Variants in RPSA2 observed in about 807,000 individuals in gnomAD.
RPSA2 encodes small ribosomal subunit protein uS2B.
the RPSA2 span, among the ~76,000 whole-genome samples, chr19:23,834,566 GAA>G: frequency 6.6e-6 from 1 of 151,972 alleles, no homozygotes; most frequent in African/African-American, 2.4e-5. Context: ...TATTATGAAA[GAA>G]AAATATTCTT....
At chr19:23,860,820 A>T in the RPSA2 span, among the ~76,000 whole-genome samples, 412 of 152,302 alleles carry the variant, frequency 2.7e-3, no homozygotes, top group African/African-American at 9.6e-3. Flanking sequence ...ACTAGTTTCA[A>T]AATAGTCCTT....
chr19:23,860,131 C>A, the RPSA2 span, among the ~76,000 whole-genome samples: 8 of 152,172 alleles, frequency 5.3e-5, no homozygotes, highest in African/African-American at 1.9e-4. Flanking sequence ...AAACACAGAG[C>A]TGCTCATATT....
At chr19:23,807,327 G>C in the RPSA2 span, among the ~76,000 whole-genome samples, 1 of 152,058 alleles carries the variant, frequency 6.6e-6, no homozygotes, top group African/African-American at 2.4e-5. Flanking sequence ...TGGCATTACT[G>C]GTAAACTTGG....
the RPSA2 span, among the ~76,000 whole-genome samples, chr19:23,802,698 T>C: frequency 6.6e-6 from 1 of 152,094 alleles, no homozygotes; most frequent in Non-Finnish European, 1.5e-5. Flanking sequence ...CTCAAACAGA[T>C]AAATTGATTC....
chr19:23,818,322 G>C, the RPSA2 span: 149,020 of 152,354 alleles, frequency 0.98, 72,973 homozygotes, highest in Middle Eastern at 1. Context: ...TTTAAATTCT[G>C]CAAGGGATGA....
At chr19:23,867,236 A>G in the RPSA2 span, among the ~76,000 whole-genome samples, 5 of 152,304 alleles carry the variant, frequency 3.3e-5, no homozygotes, top group African/African-American at 4.8e-5. Flanking sequence ...GGCCCCTCAG[A>G]CTAATCTCCA....
chr19:23,760,372 A>G, the RPSA2 span, among the ~76,000 whole-genome samples: 3 of 152,238 alleles, frequency 2.0e-5, no homozygotes, highest in Admixed American at 2.0e-4. Context: ...AGGCTTTATT[A>G]GAAGGAAGAG....
chr19:23,836,291 C>T, the RPSA2 span, among the ~76,000 whole-genome samples: 1 of 152,088 alleles, frequency 6.6e-6, no homozygotes, highest in Non-Finnish European at 1.5e-5. Flanking sequence ...ATAATAGTCT[C>T]CAGTCTCATC....
the RPSA2 span, among the ~76,000 whole-genome samples, chr19:23,871,137 C>T: frequency 1.0e-3 from 158 of 152,274 alleles, no homozygotes; most frequent in African/African-American, 3.5e-3. Context: ...AAGCAAGGAG[C>T]CCCCTGACCC....
the RPSA2 span, among the ~76,000 whole-genome samples, chr19:23,804,423 A>AG: frequency 6.6e-6 from 1 of 150,426 alleles, no homozygotes. Flanking sequence ...CAGCCTCCTG[A>AG]GTAGCTGGGA....
chr19:23,759,521 G>GTTTTTT, the RPSA2 span, among the ~76,000 whole-genome samples: 1 of 14,232 alleles, frequency 7.0e-5, no homozygotes, highest in Non-Finnish European at 1.6e-4. Flanking sequence ...TTATATATCA[G>GTTTTTT]GTTTTTTTTT....
the RPSA2 span, chr19:23,790,740 C>G: frequency 2.2e-6 from 1 of 460,398 alleles, no homozygotes; most frequent in Non-Finnish European, 4.1e-6. Context: ...AGATCCACAG[C>G]AAAGACGCCA....
At chr19:23,808,621 T>A in the RPSA2 span, 4 of 326,734 alleles carry the variant, frequency 1.2e-5, no homozygotes, top group Non-Finnish European at 2.4e-5. Flanking sequence ...GATAAATTTA[T>A]TAGAATATTC....
At chr19:23,862,847 A>G in the RPSA2 span, among the ~76,000 whole-genome samples, 1 of 149,400 alleles carries the variant, frequency 6.7e-6, no homozygotes, top group African/African-American at 2.4e-5. Flanking sequence ...CCCTCATCTT[A>G]ATCTTCAGGA....
chr19:23,869,357 T>C, the RPSA2 span, among the ~76,000 whole-genome samples: 1 of 152,176 alleles, frequency 6.6e-6, no homozygotes, highest in Non-Finnish European at 1.5e-5. Flanking sequence ...GTTATGTACT[T>C]AATAGTTCTT....
the RPSA2 span, among the ~76,000 whole-genome samples, chr19:23,816,909 A>T: frequency 2.0e-5 from 3 of 152,176 alleles, no homozygotes; most frequent in East Asian, 5.8e-4. Context: ...CTTCCACCAC[A>T]TCCCTCCCAC....
At chr19:23,773,105 A>T in the RPSA2 span, among the ~76,000 whole-genome samples, 146,603 of 150,326 alleles carry the variant, frequency 0.98, 71,567 homozygotes, top group Non-Finnish European at 1. Flanking sequence ...ATATATATAT[A>T]TTTTTATTTT....
chr19:23,822,912 T>A, the RPSA2 span, among the ~76,000 whole-genome samples: 1 of 152,196 alleles, frequency 6.6e-6, no homozygotes, highest in Non-Finnish European at 1.5e-5. Flanking sequence ...GCTGATTTTT[T>A]TTTGGTGGCT....
the RPSA2 span, among the ~76,000 whole-genome samples, chr19:23,808,272 AT>A: frequency 7.9e-6 from 1 of 126,930 alleles, no homozygotes; most frequent in Non-Finnish European, 1.6e-5. Context: ...TACAAAATTA[AT>A]TTTTTTTTTT....
Sources: gnomAD v4.1 joint callset for allele counts (sites outside exome capture counted in the v4.1 genomes callset) on GRCh38, gnomAD v4.1.1 for gene constraint, MANE v1.5 for transcripts, NCBI Gene and HGNC (gene_info 2026-07-23, HGNC 2026-07-21) for gene names.